Variants in NELL1 observed in about 807,000 individuals in gnomAD.
NELL1 encodes the protein protein kinase C-binding protein NELL1.
In NELL1, 76 loss-of-function variants were observed where a neutral mutation model predicts 107.4. The observed-to-expected ratio is 0.71, with a 90% CI of 0.59 to 0.86. The LOEUF is 0.86. Ranked by LOEUF, NELL1 falls within the 40% of genes least tolerant of loss-of-function variation. NELL1 has a pLI of 0.00. For missense variants in NELL1, 1,024 were observed against 1,005.5 expected (o/e 1.02, Z -0.25); for synonymous variants, 353 against 341.2 (o/e 1.03, Z -0.38).
At chr11:20,717,241 G>C (rs1855273542) in intron 2 of NELL1, among the ~76,000 whole-genome samples, 1 of 152,152 alleles carries the variant, frequency 6.6e-6, no homozygotes, top group South Asian at 2.1e-4. Context: ...ACATTGTGAG[G>C]CAGCAAATAA....
At chr11:21,500,308 A>G (rs893914354) in intron 15 of NELL1, among the ~76,000 whole-genome samples, 11 of 152,008 alleles carry the variant, frequency 7.2e-5, no homozygotes, top group Non-Finnish European at 1.2e-4. Flanking sequence ...TTATGCCACA[A>G]TGGATTTTAC....
chr11:21,523,511 C>T (rs1279995327), intron 15 of NELL1, among the ~76,000 whole-genome samples: 2 of 152,184 alleles, frequency 1.3e-5, no homozygotes, highest in Non-Finnish European at 2.9e-5. Flanking sequence ...TCTATTACCT[C>T]TAATACATTT....
chr11:20,985,009 C>CA (rs1280033649), intron 12 of NELL1, among the ~76,000 whole-genome samples: 1 of 152,096 alleles, frequency 6.6e-6, no homozygotes, highest in African/African-American at 2.4e-5. Flanking sequence ...TTGATTGGGT[C>CA]AACTTTGTTT....
chr11:21,542,661 T>A (rs1469006052), intron 16 of NELL1, among the ~76,000 whole-genome samples: 1 of 151,908 alleles, frequency 6.6e-6, no homozygotes, highest in Non-Finnish European at 1.5e-5. Context: ...TTTCTGGTGA[T>A]GTAAATCCAG....
chr11:21,202,022 G>T (rs1427111668), intron 13 of NELL1, among the ~76,000 whole-genome samples: 1 of 152,080 alleles, frequency 6.6e-6, no homozygotes, highest in African/African-American at 2.4e-5. Flanking sequence ...TGCCGGATTC[G>T]GTTTGCCAGT....
At chr11:20,926,710 T>C (rs1850503607) in intron 7 of NELL1, among the ~76,000 whole-genome samples, 1 of 152,222 alleles carries the variant, frequency 6.6e-6, no homozygotes, top group South Asian at 2.1e-4. Context: ...ATTCTGATCT[T>C]ACCTGGGGTT....
intron 17 of NELL1, 39 bp downstream of exon 17, chr11:21,560,421 T>C (rs769110314): frequency 1.3e-6 from 2 of 1,509,574 alleles, no homozygotes; most frequent in South Asian, 2.7e-5. Context: ...GAAACTGTTC[T>C]TTCTCTTCTT....
chr11:21,168,522 T>C (rs1460004348), intron 13 of NELL1, among the ~76,000 whole-genome samples: 1 of 151,852 alleles, frequency 6.6e-6, no homozygotes, highest in Non-Finnish European at 1.5e-5. Flanking sequence ...AACAAGATTT[T>C]ATCTAATACT....
At chr11:20,702,360 G>A (rs1037522316) in intron 2 of NELL1, among the ~76,000 whole-genome samples, 1 of 152,090 alleles carries the variant, frequency 6.6e-6, no homozygotes, top group Non-Finnish European at 1.5e-5. Context: ...CATTGATTTT[G>A]TATCCTGAGA....
chr11:20,862,070 C>T (rs537170440), intron 4 of NELL1, among the ~76,000 whole-genome samples: 1 of 152,320 alleles, frequency 6.6e-6, no homozygotes, highest in South Asian at 2.1e-4. Context: ...GCAGGAGGGA[C>T]ACCCTATGTG....
chr11:21,327,419 A>G (rs1850171410), intron 14 of NELL1, among the ~76,000 whole-genome samples: 1 of 152,048 alleles, frequency 6.6e-6, no homozygotes, highest in Non-Finnish European at 1.5e-5. Flanking sequence ...CTGCCATGTG[A>G]AGAAGGATGT....
At chr11:21,368,628 T>C (rs1343908563) in intron 14 of NELL1, among the ~76,000 whole-genome samples, 1 of 151,888 alleles carries the variant, frequency 6.6e-6, no homozygotes, top group African/African-American at 2.4e-5. Context: ...GATACCTCCA[T>C]GAAAAGAATG....
At chr11:21,490,524 G>A (rs1232661448) in intron 15 of NELL1, among the ~76,000 whole-genome samples, 1 of 145,252 alleles carries the variant, frequency 6.9e-6, no homozygotes, top group African/African-American at 2.5e-5. Context: ...AAAGCTAGAA[G>A]CATCACACTA....
intron 15 of NELL1, among the ~76,000 whole-genome samples, chr11:21,490,537 TA>T (rs1266204413): frequency 6.8e-6 from 1 of 146,442 alleles, no homozygotes; most frequent in African/African-American, 2.5e-5. Flanking sequence ...TCACACTACC[TA>T]ACTTCAAAAT....
At chr11:21,544,650 GA>G (rs1165479768) in intron 16 of NELL1, among the ~76,000 whole-genome samples, 2 of 151,870 alleles carry the variant, frequency 1.3e-5, no homozygotes, top group African/African-American at 4.8e-5. Flanking sequence ...CCACCAGGTA[GA>G]AATATTTATG....
chr11:21,436,555 G>T (rs1853127538), intron 15 of NELL1, among the ~76,000 whole-genome samples: 1 of 151,630 alleles, frequency 6.6e-6, no homozygotes. Context: ...CTTAACTAAT[G>T]ATTTGTCAAA....
intron 15 of NELL1, among the ~76,000 whole-genome samples, chr11:21,442,654 T>A (rs757533378): frequency 6.6e-6 from 1 of 152,238 alleles, no homozygotes; most frequent in Non-Finnish European, 1.5e-5. Context: ...CATGGAACTT[T>A]GCTAGGTTCT....
chr11:21,238,576 G>T (rs764433897), intron 14 of NELL1, among the ~76,000 whole-genome samples: 38 of 152,030 alleles, frequency 2.5e-4, no homozygotes, highest in Non-Finnish European at 4.4e-4. Flanking sequence ...CTTCAAAGGA[G>T]AAAGGGGCTT....
At position 20,790,308 on chromosome 11, in the gene NELL1, A is replaced by G. The variant is rs527302361; in HGVS notation, c.335+6478A>G. Among the ~76,000 whole-genome samples the G allele has an allele frequency of 1.5e-4, 23 of 152,286 alleles. No homozygotes were observed. In the East Asian group the frequency reaches 4.3e-3, roughly 28 times the overall value. On this transcript the variant is annotated intron_variant, in intron 3 of 19. Transcript: ENST00000357134. ...CCTCCTATGCTCATTGGTGCCCAAAATCCAGAGAGGGCTAAGGTGGCAGAG... is the reference window on the plus strand; with the variant it reads ...CCTCCTATGCTCATTGGTGCCCAAAGTCCAGAGAGGGCTAAGGTGGCAGAG...
Sources: gnomAD v4.1 joint callset for allele counts (sites outside exome capture counted in the v4.1 genomes callset) on GRCh38, gnomAD v4.1.1 for gene constraint, MANE v1.5 for transcripts, NCBI Gene and HGNC (gene_info 2026-07-23, HGNC 2026-07-21) for gene names.